Variants in DNAH3 observed in about 807,000 individuals in gnomAD.
DNAH3 encodes the protein axonemal beta dynein heavy chain 3.
In DNAH3, 332 loss-of-function variants were observed where a neutral mutation model predicts 432.5. The observed-to-expected ratio is 0.77, with a 90% CI of 0.70 to 0.84. The LOEUF is 0.84. DNAH3 is among the 40% of genes least tolerant of loss of function. The pLI is 0.00. For missense variants in DNAH3, 4,861 were observed against 5,114.0 expected (o/e 0.95, Z 1.51); for synonymous variants, 1,956 against 1,900.2 (o/e 1.03, Z -0.76).
At chr16:20,935,307 T>C (rs750733214) in intron 61 of DNAH3, 41 bp downstream of exon 61, 2 of 1,604,614 alleles carry the variant, frequency 1.2e-6, no homozygotes, top group East Asian at 4.5e-5. Context: ...TTGCTTTCTC[T>C]GGTCAGCCCC....
intron 17 of DNAH3, among the ~76,000 whole-genome samples, chr16:21,098,311 C>T (rs11647509): frequency 0.03 from 4,507 of 151,742 alleles, 112 homozygotes; most frequent in Middle Eastern, 0.072. Flanking sequence ...TGGTGGCACA[C>T]GCCTGTAATC....
chr16:21,122,238 C>G, intron 9 of DNAH3, 114 bp from the exon 11 acceptor site: 3 of 829,322 alleles, frequency 3.6e-6, no homozygotes, highest in Non-Finnish European at 5.7e-6. Flanking sequence ...CAATGAAGGG[C>G]ATCATACACT....
At chr16:21,126,209 C>T (rs547524454) in intron 8 of DNAH3, among the ~76,000 whole-genome samples, 3 of 152,148 alleles carry the variant, frequency 2.0e-5, no homozygotes, top group African/African-American at 7.2e-5. Context: ...GAAATAGATG[C>T]TTCATTGTTT....
chr16:21,159,392 G>A (rs762142564), exon 1 of DNAH3: 1 of 1,614,106 alleles, frequency 6.2e-7, no homozygotes, highest in South Asian at 1.1e-5. Flanking sequence ...GGCTGGGCCC[G>A]GATGGGGAGG....
intron 44 of DNAH3, among the ~76,000 whole-genome samples, chr16:20,988,917 C>G (rs374711200): frequency 6.6e-6 from 1 of 151,902 alleles, no homozygotes; most frequent in Non-Finnish European, 1.5e-5. Context: ...GCTCTTAAGG[C>G]GGCATGTCTG....
intron 32 of DNAH3, among the ~76,000 whole-genome samples, chr16:21,041,360 G>A (rs143353829): frequency 0.027 from 4,082 of 152,112 alleles, 195 homozygotes; most frequent in African/African-American, 0.092. Flanking sequence ...GACAGAATGA[G>A]ACTCCATCTC....
intron 54 of DNAH3, among the ~76,000 whole-genome samples, chr16:20,956,200 T>C (rs180676005): frequency 3.2e-4 from 48 of 152,224 alleles, no homozygotes; most frequent in Admixed American, 3.1e-3. Flanking sequence ...AGTGCTAGGA[T>C]TTACAGGTGT....
intron 21 of DNAH3, among the ~76,000 whole-genome samples, chr16:21,072,243 T>C (rs2090815497): frequency 6.6e-6 from 1 of 150,452 alleles, no homozygotes; most frequent in Non-Finnish European, 1.5e-5. Context: ...ATTAATTAAT[T>C]TTAATTTTAT....
chr16:21,009,087 A>G (rs2087458540), intron 41 of DNAH3, among the ~76,000 whole-genome samples: 1 of 152,220 alleles, frequency 6.6e-6, no homozygotes, highest in Non-Finnish European at 1.5e-5. Context: ...CTGGGAATTT[A>G]TCATAAGGAA....
intron 42 of DNAH3, among the ~76,000 whole-genome samples, chr16:21,001,488 C>T (rs2087016265): frequency 1.3e-5 from 2 of 152,068 alleles, no homozygotes; most frequent in Non-Finnish European, 1.5e-5. Flanking sequence ...ATGCAAATAG[C>T]GCCACCTAGG....
rs569741023 is a variant in DNAH3 at position 21,047,727 on chromosome 16, G to A, written c.4461+1842C>T. The stretch of plus-strand genomic sequence containing the variant: ...TGTTCCGTTGCTGGTGAGGAACTGC[G>A]TTCCTTTGGAGGAGGAGAGGTGCTC... On this transcript the variant is annotated intron_variant, in intron 31 of 61. Transcript: ENST00000261383. 6.6e-5 allele frequency among the ~76,000 whole-genome samples: 10 copies of A among 152,086 alleles called. No homozygotes were observed. The East Asian group carries it at 7.7e-4, about 12-fold the overall frequency.
intron 48 of DNAH3, among the ~76,000 whole-genome samples, chr16:20,984,029 G>GAAAAAAGAAAAAAAAA (rs2086051499): frequency 2.7e-5 from 3 of 112,138 alleles, no homozygotes; most frequent in African/African-American, 1.0e-4. Context: ...CCTATATCCA[G>GAAAAAAGAAAAAAAAA]AAAAAAAAAA....
chr16:21,091,555 T>C (rs1455741052), intron 18 of DNAH3, among the ~76,000 whole-genome samples: 2 of 152,176 alleles, frequency 1.3e-5, no homozygotes, highest in East Asian at 3.9e-4. Flanking sequence ...CAGTGGCTCA[T>C]GCCTGTAATC....
chr16:21,112,444 C>T (rs567847661), intron 12 of DNAH3, among the ~76,000 whole-genome samples: 4 of 152,172 alleles, frequency 2.6e-5, no homozygotes, highest in Admixed American at 2.6e-4. Flanking sequence ...GGGGAGGCCT[C>T]AGATCATGGT....
At chr16:21,108,612 G>T (rs1181131609) in intron 14 of DNAH3, among the ~76,000 whole-genome samples, 1 of 152,138 alleles carries the variant, frequency 6.6e-6, no homozygotes, top group Non-Finnish European at 1.5e-5. Context: ...GTGTATTGGT[G>T]AGCATCTGTA....
chr16:21,067,323 GC>G lies in DNAH3; in HGVS notation c.3477del (p.Leu1160Ter). The G allele has an allele frequency of 6.2e-7, 1 of 1,614,064 alleles. No individual in the cohort carries two copies. On this transcript the variant is annotated frameshift_variant, in exon 24 of 62. Coordinates refer to ENST00000261383, the Ensembl canonical transcript of DNAH3. LOFTEE classifies it high-confidence loss of function. ...CTCTTCTTCTCCAAGTAATCATTCA[GC>G]CCTTTCTGGATGTCCTCCAAGAGAA...
At chr16:21,130,103 A>C (rs570668545) in intron 7 of DNAH3, 35 of 151,396 alleles carry the variant, frequency 2.3e-4, no homozygotes, top group African/African-American at 6.8e-4. Flanking sequence ...AAAAAAAAAA[A>C]AAAAAACAAA....
chr16:20,965,284 G>T, exon 53 of DNAH3: 2 of 1,613,566 alleles, frequency 1.2e-6, no homozygotes, highest in Non-Finnish European at 1.7e-6. Context: ...CTGGAATTCC[G>T]GGTGATTGAT....
At chr16:21,019,380 G>T in intron 41 of DNAH3, 1 of 523,128 alleles carries the variant, frequency 1.9e-6, no homozygotes, top group Non-Finnish European at 3.4e-6. Context: ...GGCCGGTCTT[G>T]AACTGCTGAC....
Sources: allele counts gnomAD v4.1 joint callset (sites outside exome capture counted in the v4.1 genomes callset), GRCh38; gene constraint gnomAD v4.1.1; transcripts MANE v1.5; gene names NCBI Gene and HGNC (gene_info 2026-07-23, HGNC 2026-07-21).